TNR: variants seen among roughly 807,000 people sequenced by gnomAD.
TNR encodes tenascin-R.
Under a neutral mutation model 150.4 loss-of-function variants are expected in TNR, and 45 were observed. The observed-to-expected ratio is 0.30, with a 90% confidence interval of 0.24 to 0.38. The LOEUF (loss-of-function observed/expected upper bound fraction) is 0.38, where lower values mean the gene tolerates loss of function less well. Ranked by LOEUF, TNR falls within the 10% of genes least tolerant of loss-of-function variation. The pLI, the probability that TNR is intolerant of heterozygous loss-of-function variation, is 1.00. For synonymous variants in TNR, 687 were observed against 678.4 expected (o/e 1.01, Z -0.20); for missense variants, 1,544 against 1,759.1 (o/e 0.88, Z 2.19).
chr1:175,462,455 C>T, intron 2 of TNR, among the ~76,000 whole-genome samples: 1 of 152,178 alleles, frequency 6.6e-6, no homozygotes, highest in East Asian at 1.9e-4. Context: ...GCTGTCACAG[C>T]CTGTGAGATA....
intron 2 of TNR, among the ~76,000 whole-genome samples, chr1:175,440,680 A>T (rs1336237509): frequency 6.6e-6 from 1 of 152,110 alleles, no homozygotes; most frequent in Non-Finnish European, 1.5e-5. Context: ...CCAAGTGAAG[A>T]CCATGTTTCA....
At chr1:175,411,618 C>T (rs1391659790) in intron 2 of TNR, among the ~76,000 whole-genome samples, 5 of 151,530 alleles carry the variant, frequency 3.3e-5, no homozygotes, top group African/African-American at 1.2e-4. Flanking sequence ...CTTGTAGGTG[C>T]ATCACTCCCG....
intron 1 of TNR, among the ~76,000 whole-genome samples, chr1:175,596,598 G>GA (rs928942070): frequency 9.2e-5 from 14 of 151,840 alleles, no homozygotes; most frequent in Admixed American, 6.6e-5. Flanking sequence ...TCCAGTGTGG[G>GA]AAAAAAAATC....
intron 9 of TNR, among the ~76,000 whole-genome samples, chr1:175,372,806 C>T (rs1385555443): frequency 1.3e-5 from 2 of 152,052 alleles, no homozygotes; most frequent in Non-Finnish European, 2.9e-5. Flanking sequence ...TCTTTAAATC[C>T]CTGAGATCAT....
At chr1:175,394,070 A>C (rs972443561) in intron 5 of TNR, among the ~76,000 whole-genome samples, 175 bp from the exon 6 acceptor site, 2 of 152,250 alleles carry the variant, frequency 1.3e-5, no homozygotes, top group African/African-American at 4.8e-5. Flanking sequence ...AACCCACCCC[A>C]TGTGGCTCTA....
chr1:175,372,471 G>A (rs144391688), intron 9 of TNR, among the ~76,000 whole-genome samples: 1 of 152,360 alleles, frequency 6.6e-6, no homozygotes, highest in Non-Finnish European at 1.5e-5. Flanking sequence ...AGGAAAGATA[G>A]AGGGAAGGAA....
chr1:175,526,856 A>G (rs750597541), intron 2 of TNR, among the ~76,000 whole-genome samples: 1 of 152,208 alleles, frequency 6.6e-6, no homozygotes, highest in Non-Finnish European at 1.5e-5. Flanking sequence ...CATGCTAGTG[A>G]AAAGTGATTT....
intron 1 of TNR, among the ~76,000 whole-genome samples, chr1:175,590,353 T>G (rs548977552): frequency 4.1e-4 from 62 of 152,380 alleles, no homozygotes; most frequent in African/African-American, 1.4e-3. Flanking sequence ...TTTTGATTTT[T>G]AAAATATTGC....
At chr1:175,577,727 G>A (rs1571629911) in intron 1 of TNR, among the ~76,000 whole-genome samples, 1 of 152,184 alleles carries the variant, frequency 6.6e-6, no homozygotes, top group Non-Finnish European at 1.5e-5. Context: ...AGAATCTGTG[G>A]TCTACCCATT....
At chr1:175,505,052 G>T (rs975669040) in intron 2 of TNR, among the ~76,000 whole-genome samples, 1 of 151,570 alleles carries the variant, frequency 6.6e-6, no homozygotes, top group Non-Finnish European at 1.5e-5. Context: ...TTGGATTCCC[G>T]CCTGCTGTGC....
intron 1 of TNR, among the ~76,000 whole-genome samples, chr1:175,582,221 A>G (rs994958262): frequency 6.6e-6 from 1 of 152,258 alleles, no homozygotes; most frequent in Non-Finnish European, 1.5e-5. Context: ...AGGGCACCAT[A>G]GAACCTCTTG....
intron 2 of TNR, among the ~76,000 whole-genome samples, chr1:175,417,384 C>A (rs1265888107): frequency 6.6e-6 from 1 of 151,952 alleles, no homozygotes; most frequent in Non-Finnish European, 1.5e-5. Context: ...TTAACTGGAG[C>A]CCCCAGGCCA....
At chr1:175,438,617 T>C (rs1571439960) in intron 2 of TNR, among the ~76,000 whole-genome samples, 1 of 152,344 alleles carries the variant, frequency 6.6e-6, no homozygotes, top group East Asian at 1.9e-4. Flanking sequence ...CATGATTGTA[T>C]ATCTAGAAAC....
At chr1:175,495,375 C>T (rs1047217598) in intron 2 of TNR, among the ~76,000 whole-genome samples, 2 of 152,166 alleles carry the variant, frequency 1.3e-5, no homozygotes, top group Non-Finnish European at 2.9e-5. Context: ...GTGCCTGCTT[C>T]ATAGTGAGTG....
intron 1 of TNR, among the ~76,000 whole-genome samples, chr1:175,721,391 A>G (rs937445445): frequency 6.6e-6 from 1 of 152,178 alleles, no homozygotes; most frequent in African/African-American, 2.4e-5. Flanking sequence ...GTAAGTGCTC[A>G]ACAAATATGT....
intron 2 of TNR, among the ~76,000 whole-genome samples, chr1:175,431,518 G>T (rs929074): frequency 6.6e-6 from 1 of 152,164 alleles, no homozygotes; most frequent in Non-Finnish European, 1.5e-5. Flanking sequence ...TTCTATGGGG[G>T]GTTGAACTAG....
At chr1:175,495,573 C>T (rs1258785828) in intron 2 of TNR, among the ~76,000 whole-genome samples, 1 of 152,098 alleles carries the variant, frequency 6.6e-6, no homozygotes, top group Non-Finnish European at 1.5e-5. Flanking sequence ...TCTATAATAC[C>T]CCCACTGTAC....
intron 1 of TNR, among the ~76,000 whole-genome samples, chr1:175,544,141 C>A (rs1429198490): frequency 1.3e-5 from 2 of 152,136 alleles, no homozygotes; most frequent in Non-Finnish European, 1.5e-5. Context: ...GTGGGAGAGC[C>A]TTTGAAGGTC....
intron 1 of TNR, chr1:175,538,678 T>A (rs1660384556): frequency 6.6e-6 from 1 of 152,244 alleles, no homozygotes; most frequent in South Asian, 2.1e-4. Context: ...CCTCCATCCA[T>A]GCTGTGTTGG....
Sources: gnomAD v4.1 joint callset for allele counts (sites outside exome capture counted in the v4.1 genomes callset) on GRCh38, gnomAD v4.1.1 for gene constraint, MANE v1.5 for transcripts, NCBI Gene and HGNC (gene_info 2026-07-23, HGNC 2026-07-21) for gene names.